USP10: variants seen among roughly 807,000 people sequenced by gnomAD.
USP10 encodes ubiquitin specific peptidase 10, also known as ubiquitin carboxyl-terminal hydrolase 10.
A neutral mutation model predicts 84.5 loss-of-function variants in USP10; 22 were observed. The ratio of observed to expected loss-of-function variants is 0.26; its 90% CI spans 0.19 to 0.37. USP10 has a LOEUF of 0.37. Ranked by LOEUF, USP10 falls within the 10% of genes least tolerant of loss-of-function variation. The pLI, the probability that USP10 is intolerant of heterozygous loss-of-function variation, is 1.00. For missense variants in USP10, 1,019 were observed against 998.9 expected, an observed-to-expected ratio of 1.02 and a Z score of -0.27; for synonymous variants, 454 against 387.6, an observed-to-expected ratio of 1.17 and a Z score of -2.01.
At chr16:84,740,131 C>G (rs1004999887) in intron 2 of USP10, among the ~76,000 whole-genome samples, 178 bp from the exon 3 acceptor site, 1 of 151,844 alleles carries the variant, frequency 6.6e-6, no homozygotes, top group Non-Finnish European at 1.5e-5. Flanking sequence ...GTGTTTTTTT[C>G]GTTAAATGAA....
chr16:84,738,030 C>A (rs183608694), intron 2 of USP10, among the ~76,000 whole-genome samples: 64 of 152,244 alleles, frequency 4.2e-4, no homozygotes, highest in East Asian at 7.7e-4. Flanking sequence ...TGTTCACACC[C>A]CGTGGTTGAA....
intron 4 of USP10, among the ~76,000 whole-genome samples, chr16:84,746,866 A>G (rs572395195): frequency 1.3e-5 from 2 of 152,396 alleles, no homozygotes; most frequent in East Asian, 1.9e-4. Flanking sequence ...TTTCATGAGA[A>G]CATTTAGCTT....
At chr16:84,740,031 T>C (rs541630453) in intron 2 of USP10, among the ~76,000 whole-genome samples, 1 of 152,386 alleles carries the variant, frequency 6.6e-6, no homozygotes, top group Non-Finnish European at 1.5e-5. Context: ...TTGTAGCTGA[T>C]TTACATGTCC....
At chr16:84,717,109 G>A (rs900392259) in intron 1 of USP10, among the ~76,000 whole-genome samples, 34 of 152,284 alleles carry the variant, frequency 2.2e-4, no homozygotes, top group African/African-American at 6.7e-4. Context: ...GGCCCTGTGC[G>A]CTGTCTGAGC....
chr16:84,754,631 G>A (rs1280666900), intron 4 of USP10, among the ~76,000 whole-genome samples: 1 of 152,114 alleles, frequency 6.6e-6, no homozygotes, highest in East Asian at 1.9e-4. Context: ...ACCTGCCTGC[G>A]CCTCAAAATA....
intron 3 of USP10, among the ~76,000 whole-genome samples, chr16:84,741,810 A>G (rs1910658933): frequency 1.3e-5 from 2 of 152,140 alleles, no homozygotes; most frequent in Non-Finnish European, 2.9e-5. Context: ...GTTCGACTGT[A>G]CAGAGCCTGT....
chr16:84,777,892 G>A (rs887167094), intron 13 of USP10, among the ~76,000 whole-genome samples: 20 of 152,172 alleles, frequency 1.3e-4, no homozygotes, highest in African/African-American at 2.2e-4. Flanking sequence ...GTCATTCCCC[G>A]CGGAATGCTG....
At position 84,733,515 on chromosome 16, in the gene USP10, C is replaced by G. The variant is rs754117042; in HGVS notation, c.90+12C>G. ...GATCTTCAGTTGAGGTAAGACAAAA[C>G]TTTGTTTTAGTGAGTCCGTGGGTAG... On this transcript the variant is annotated intron_variant, in intron 2 of 13. Coordinates refer to ENST00000219473, the MANE Select transcript of USP10 (RefSeq NM_005153.3). 3 of 1,601,316 alleles carry G rather than the reference C, an allele frequency of 1.9e-6. No homozygotes were observed. Among genetic ancestry groups the G allele is most frequent in the Non-Finnish European group, 2.6e-6 (3 of 1,173,522 alleles).
chr16:84,747,921 T>C (rs1266976624), intron 4 of USP10, among the ~76,000 whole-genome samples: 1 of 151,840 alleles, frequency 6.6e-6, no homozygotes, highest in Non-Finnish European at 1.5e-5. Flanking sequence ...GGACTGATAC[T>C]GTAGGTGGAT....
intron 1 of USP10, among the ~76,000 whole-genome samples, chr16:84,723,593 A>G (rs1168135906): frequency 3.3e-5 from 5 of 152,142 alleles, no homozygotes; most frequent in Non-Finnish European, 4.4e-5. Flanking sequence ...GGGTTTTTTC[A>G]TCTTCCTCTT....
intron 1 of USP10, among the ~76,000 whole-genome samples, chr16:84,726,624 A>AT (rs949949845): frequency 2.0e-5 from 3 of 151,958 alleles, no homozygotes; most frequent in African/African-American, 7.3e-5. Context: ...TTTCTTGTAT[A>AT]TTTTTTTCCA....
At chr16:84,733,574 GTT>G in intron 2 of USP10, 71 bp downstream of exon 2, 1 of 1,188,596 alleles carries the variant, frequency 8.4e-7, no homozygotes, top group Non-Finnish European at 1.2e-6. Context: ...ATTTTAATTT[GTT>G]TTTTTAAATA....
chr16:84,706,609 C>T (rs528428402), intron 1 of USP10, among the ~76,000 whole-genome samples: 3 of 151,370 alleles, frequency 2.0e-5, no homozygotes, highest in African/African-American at 7.3e-5. Flanking sequence ...GGCGCAATCT[C>T]GGCTCACTGC....
intron 1 of USP10, among the ~76,000 whole-genome samples, chr16:84,727,491 A>T (rs1227688099): frequency 6.6e-6 from 1 of 150,816 alleles, no homozygotes; most frequent in Non-Finnish European, 1.5e-5. Context: ...AACAAACAAA[A>T]ACTCTTTATT....
Position 84,744,921 on chromosome 16 carries a change from G to A in USP10, c.440G>A (p.Arg147Lys). ...GGTGTCTCAGGTGGTCTTGGACAAA[G>A]GGAGCGTAAAAAGAAGAAAAAGCGG... ...NDGVSGGLGQ[R>K]ERKKKKKRPP... Residue 147 changes from arginine to lysine, a missense_variant, in exon 4 of 14, where the codon AGG becomes AAG. By Grantham distance (26) the Arg-to-Lys change is conservative. Around this residue, in one of 2 missense-constraint regions of USP10, gnomAD observed 787 missense variants for 708.8 expected, o/e 1.11. Coordinates refer to ENST00000219473, the MANE Select transcript of USP10 (RefSeq NM_005153.3). 6.2e-7 allele frequency: 1 copy of A among 1,613,772 alleles called. No individual in the cohort carries two copies. Among genetic ancestry groups the A allele is most frequent in the Non-Finnish European group, 8.5e-7 (1 of 1,179,722 alleles).
At chr16:84,734,487 T>G (rs1217317118) in intron 2 of USP10, among the ~76,000 whole-genome samples, 1 of 152,216 alleles carries the variant, frequency 6.6e-6, no homozygotes, top group African/African-American at 2.4e-5. Context: ...GTAGCTTGTC[T>G]TTTTCTTACT....
At chr16:84,709,155 G>C (rs554185311) in intron 1 of USP10, 1 of 152,328 alleles carries the variant, frequency 6.6e-6, no homozygotes, top group African/African-American at 2.4e-5. Flanking sequence ...GGAGTTTATG[G>C]GTCCATTGAG....
chr16:84,764,354 CT>C (rs2150858083), intron 10 of USP10, 91 bp downstream of exon 10: 2 of 1,533,060 alleles, frequency 1.3e-6, no homozygotes, highest in South Asian at 2.3e-5. Context: ...TGTTTTGAGA[CT>C]TCTTGGACGT....
At chr16:84,778,504 A>G (rs949674725) in intron 13 of USP10, among the ~76,000 whole-genome samples, 3 of 152,230 alleles carry the variant, frequency 2.0e-5, no homozygotes, top group African/African-American at 7.2e-5. Flanking sequence ...TCTGTCCAAG[A>G]TTCAGATAAT....
Sources: gnomAD v4.1 joint callset for allele counts (sites outside exome capture counted in the v4.1 genomes callset) on GRCh38, gnomAD v4.1.1 for gene constraint, gnomAD v4.1.1 regional missense constraint, MANE v1.5 for transcripts, NCBI Gene and HGNC (gene_info 2026-07-23, HGNC 2026-07-21) for gene names.